Variants in MDFIC2 observed in about 807,000 individuals in gnomAD.
MDFIC2 encodes MyoD family inhibitor domain containing 2.
chr3:70,268,954 C>T (rs1439390285), intron 2 of MDFIC2, among the ~76,000 whole-genome samples: 2 of 151,860 alleles, frequency 1.3e-5, no homozygotes, highest in Non-Finnish European at 2.9e-5. Context: ...TTAGTGCTCT[C>T]CTTTGAACCA....
chr3:70,299,600 C>T (rs1239738394), intron 2 of MDFIC2, among the ~76,000 whole-genome samples: 4 of 152,086 alleles, frequency 2.6e-5, no homozygotes, highest in Admixed American at 2.0e-4. Context: ...CTCTTGGGTG[C>T]CAGCCCTTTG....
intron 3 of MDFIC2, chr3:70,204,811 T>G (rs1162322729): frequency 6.6e-6 from 1 of 151,890 alleles, no homozygotes; most frequent in East Asian, 1.9e-4. Flanking sequence ...CAGATCAGAG[T>G]GATTCTGGAG....
At chr3:70,260,694 A>G (rs1559547594) in intron 2 of MDFIC2, among the ~76,000 whole-genome samples, 1 of 152,070 alleles carries the variant, frequency 6.6e-6, no homozygotes, top group Non-Finnish European at 1.5e-5. Context: ...CTCCAGATTC[A>G]GCACCTGGGA....
chr3:70,260,279 T>C (rs1048542543), intron 2 of MDFIC2, among the ~76,000 whole-genome samples: 1 of 152,148 alleles, frequency 6.6e-6, no homozygotes, highest in Non-Finnish European at 1.5e-5. Flanking sequence ...GCATTTCCCC[T>C]GTGTGTGTCT....
At chr3:70,206,256 T>A (rs1412846770) in intron 3 of MDFIC2, among the ~76,000 whole-genome samples, 2 of 152,090 alleles carry the variant, frequency 1.3e-5, no homozygotes, top group African/African-American at 4.8e-5. Flanking sequence ...TAGTTCCATG[T>A]CTGAGGAGAG....
At chr3:70,239,134 G>C (rs983224330) in intron 2 of MDFIC2, among the ~76,000 whole-genome samples, 1 of 152,142 alleles carries the variant, frequency 6.6e-6, no homozygotes, top group Non-Finnish European at 1.5e-5. Flanking sequence ...TCTTTCATCA[G>C]TTCTATTCAA....
At chr3:70,306,416 T>C (rs1029763482) in intron 2 of MDFIC2, among the ~76,000 whole-genome samples, 2 of 152,174 alleles carry the variant, frequency 1.3e-5, no homozygotes, top group African/African-American at 4.8e-5. Context: ...CGGCCAATAA[T>C]CGTTTTTATA....
In MDFIC2 at chr3:70,232,267, C is replaced by A. The variant is rs151231691; in HGVS notation, c.89-25477G>T. Among the ~76,000 whole-genome samples the A allele has an allele frequency of 2.0e-5, 3 of 152,330 alleles. No homozygotes were observed. The East Asian group carries it at 5.8e-4, about 29-fold the overall frequency. On this transcript the variant is annotated intron_variant, in intron 2 of 3. Transcript: ENST00000567252. Reference sequence around the variant, plus strand: ...TGGACACACCAAGTAGCTATTATTACTACTGTTATTATAAGGTAGAGAATC... The same window carrying A: ...TGGACACACCAAGTAGCTATTATTAATACTGTTATTATAAGGTAGAGAATC...
At chr3:70,256,202 C>A (rs1031105576) in intron 2 of MDFIC2, among the ~76,000 whole-genome samples, 3 of 152,092 alleles carry the variant, frequency 2.0e-5, no homozygotes, top group African/African-American at 4.8e-5. Context: ...AACATTAAAA[C>A]TTTAGTTGTA....
rs376784182 is a variant in MDFIC2 at position 70,204,209 on chromosome 3, A to C, written c.310+2360T>G. Among the ~76,000 whole-genome samples, 11 of 152,298 alleles carry C rather than the reference A, an allele frequency of 7.2e-5. No homozygotes were observed. The South Asian group carries it at 1.7e-3, about 23-fold the overall frequency. ...ACATTTGAAAATAAATTAGCCACAA[A>C]CTACATGAAAGTGGATGCAGTATTC... On this transcript the variant is annotated intron_variant, in intron 3 of 3. Coordinates refer to ENST00000567252, the MANE Select transcript of MDFIC2 (RefSeq NM_001364677.1).
chr3:70,228,957 T>G (rs1701534109), intron 2 of MDFIC2, among the ~76,000 whole-genome samples: 1 of 151,882 alleles, frequency 6.6e-6, no homozygotes, highest in Non-Finnish European at 1.5e-5. Flanking sequence ...AAGAGCAGAG[T>G]CCAGTGAAGA....
chr3:70,309,944 G>A (rs953127556), intron 2 of MDFIC2, among the ~76,000 whole-genome samples: 5 of 152,054 alleles, frequency 3.3e-5, no homozygotes, highest in Non-Finnish European at 7.4e-5. Flanking sequence ...CAATTGATTG[G>A]CCTATCAATT....
At chr3:70,223,470 T>C (rs1051687119) in intron 2 of MDFIC2, among the ~76,000 whole-genome samples, 9 of 152,176 alleles carry the variant, frequency 5.9e-5, no homozygotes, top group African/African-American at 1.9e-4. Context: ...AATGATTCCA[T>C]TTTTTCCTTC....
chr3:70,252,685 A>G (rs762061556), intron 2 of MDFIC2, among the ~76,000 whole-genome samples: 17 of 152,094 alleles, frequency 1.1e-4, no homozygotes, highest in Non-Finnish European at 2.1e-4. Flanking sequence ...GTATTGCCCT[A>G]TGTTTATTTA....
intron 2 of MDFIC2, among the ~76,000 whole-genome samples, chr3:70,213,416 T>C (rs1035432174): frequency 6.6e-6 from 1 of 152,140 alleles, no homozygotes; most frequent in Admixed American, 6.6e-5. Context: ...ACATTTAAAA[T>C]GAGTGTATAT....
chr3:70,236,363 G>A (rs1373622857), intron 2 of MDFIC2, among the ~76,000 whole-genome samples: 1 of 151,962 alleles, frequency 6.6e-6, no homozygotes, highest in African/African-American at 2.4e-5. Context: ...TTCACTTCTT[G>A]TATATTTTAT....
At chr3:70,202,647 G>A (rs574455423) in intron 3 of MDFIC2, among the ~76,000 whole-genome samples, 1 of 152,236 alleles carries the variant, frequency 6.6e-6, no homozygotes, top group African/African-American at 2.4e-5. Flanking sequence ...CCTGCAGGCT[G>A]CACAGTCAAC....
At chr3:70,197,615 C>T (rs935796249) in intron 3 of MDFIC2, among the ~76,000 whole-genome samples, 3 of 152,186 alleles carry the variant, frequency 2.0e-5, no homozygotes, top group Admixed American at 6.5e-5. Flanking sequence ...TGCCCTGTTT[C>T]TTGTCACTAG....
chr3:70,198,435 T>C lies in MDFIC2; in HGVS notation c.311-1250A>G, dbSNP rs534250104. 7.2e-5 allele frequency among the ~76,000 whole-genome samples: 11 copies of C among 152,312 alleles called. 1 individual carries two copies. In the South Asian group the frequency reaches 2.3e-3, roughly 32 times the overall value. The stretch of plus-strand genomic sequence containing the variant: ...AAGCTCTTTTCTTTCATTATTCATA[T>C]AATAGTCTTTAAGTGAAAGAAAAAT... On this transcript the variant is annotated intron_variant, in intron 3 of 3. Coordinates refer to ENST00000567252, the MANE Select transcript of MDFIC2 (RefSeq NM_001364677.1).
Sources: allele counts gnomAD v4.1 joint callset (sites outside exome capture counted in the v4.1 genomes callset), GRCh38; gene constraint gnomAD v4.1.1; transcripts MANE v1.5; gene names NCBI Gene and HGNC (gene_info 2026-07-23, HGNC 2026-07-21).